Variants in STX16 observed in about 807,000 individuals in gnomAD.
STX16 encodes syntaxin-16.
In STX16, 28 loss-of-function variants were observed where a neutral mutation model predicts 42.7. The ratio of observed to expected loss-of-function variants is 0.66; its 90% CI spans 0.49 to 0.90. The LOEUF is 0.90. Ranked by LOEUF, STX16 falls within the 40% of genes least tolerant of loss-of-function variation. The pLI is 0.00. For missense variants in STX16, 361 were observed against 420.9 expected (o/e 0.86, Z 1.24); for synonymous variants, 156 against 155.2 (o/e 1.00, Z -0.04).
intron 7 of STX16, 34 bp from the exon 8 acceptor site, chr20:58,673,597 T>A: frequency 6.9e-7 from 1 of 1,444,986 alleles, no homozygotes; most frequent in South Asian, 1.2e-5. Flanking sequence ...CAGTTGCTAT[T>A]GTTGATTGTC....
At chr20:58,652,479 T>C (rs1427053166) in intron 1 of STX16, among the ~76,000 whole-genome samples, 1 of 150,608 alleles carries the variant, frequency 6.6e-6, no homozygotes, top group Non-Finnish European at 1.5e-5. Flanking sequence ...TCTGAAGCCT[T>C]TTTGTTTCGT....
At position 58,668,255 on chromosome 20, in the gene STX16, A is replaced by G. The variant is rs539529169; in HGVS notation, c.393+128A>G. On this transcript the variant is annotated intron_variant, in intron 4 of 8. Coordinates refer to ENST00000371141, the MANE Select transcript of STX16 (RefSeq NM_001001433.3). The stretch of plus-strand genomic sequence containing the variant: ...ACCTGAAGTTCTCAGAGGGACCTCA[A>G]GAGGCCCTGAAGTCCTCCAGCTGTC... 1.7e-5 allele frequency: 21 copies of G among 1,247,776 alleles called. No individual in the cohort carries two copies. The East Asian group carries it at 4.6e-4, about 27-fold the overall frequency. The allele number at this position is 1,247,776 out of a possible 1,614,324, so 77.3% of individuals were successfully genotyped here. A position where few individuals can be genotyped will look rare whatever the true frequency, so the allele number is the denominator to read the frequency against.
rs11481928 is a variant in STX16, at chr20:58,652,371, A to ACC, written c.132+243_132+244dup. On this transcript the variant is annotated intron_variant, in intron 1 of 8. Transcript: ENST00000371141. The stretch of plus-strand genomic sequence containing the variant: ...CCGGTCTTCTCCTCACTTCCGCAGC[A>ACC]CCCCCCCCCCCGCACCCCCCGCCTT... 9.3e-3 allele frequency: 4,302 copies of ACC among 461,402 alleles called. 60 individuals carry two copies. Among genetic ancestry groups the ACC allele is most frequent in the African/African-American group, 0.027 (1,047 of 38,104 alleles). 28.6% of individuals were successfully genotyped at this position (461,402 alleles called of 1,614,324 possible).
At chr20:58,663,750 T>C (rs936589384) in intron 2 of STX16, among the ~76,000 whole-genome samples, 1 of 152,204 alleles carries the variant, frequency 6.6e-6, no homozygotes, top group Non-Finnish European at 1.5e-5. Flanking sequence ...CGATCTTGGC[T>C]CACTGCAACT....
At chr20:58,652,507 T>TC (rs2083491949) in intron 1 of STX16, among the ~76,000 whole-genome samples, 1 of 148,094 alleles carries the variant, frequency 6.8e-6, no homozygotes, top group Non-Finnish European at 1.5e-5. Flanking sequence ...GAAGCTCCCC[T>TC]CCCCCCAGTA....
rs1225857806 is a variant in STX16, at chr20:58,677,577, G to A, written c.*1286G>A. 6.6e-6 allele frequency: 1 copy of A among 152,164 alleles called. No homozygotes were observed. Among genetic ancestry groups the A allele is most frequent in the Non-Finnish European group, 1.5e-5 (1 of 68,036 alleles). 9.4% of individuals were successfully genotyped at this position (152,164 alleles called of 1,614,324 possible). A position where few individuals can be genotyped will look rare whatever the true frequency, so the allele number is the denominator to read the frequency against. On this transcript the variant is annotated 3_prime_UTR_variant, in exon 9 of 9. Transcript: ENST00000371141. ...ACTTTGAAGTTGTTCATGTTTTATT[G>A]GCTTTGTTTTAATTGACACTAGTAG... is the stretch of plus-strand genomic sequence containing the variant.
chr20:58,671,648 G>A (rs1236330282), intron 7 of STX16, among the ~76,000 whole-genome samples: 1 of 152,108 alleles, frequency 6.6e-6, no homozygotes, highest in African/African-American at 2.4e-5. Flanking sequence ...GCTCTTAGCA[G>A]TTTAACAGTT....
At position 58,676,507 on chromosome 20, in the gene STX16, G is replaced by C. The variant is rs2084130897; in HGVS notation, c.*216G>C. On this transcript the variant is annotated 3_prime_UTR_variant, in exon 9 of 9. Transcript: ENST00000371141. ...TTTTCCTTCATTGTTGAGAATTTAA[G>C]GACCTTTGATACTGCTGCACAATAG... 1 of 545,964 alleles carries C rather than the reference G, an allele frequency of 1.8e-6. No individual in the cohort carries two copies. Among genetic ancestry groups the C allele is most frequent in the Non-Finnish European group, 3.3e-6 (1 of 307,162 alleles). 33.8% of individuals were successfully genotyped at this position (545,964 alleles called of 1,614,324 possible). A position where few individuals can be genotyped will look rare whatever the true frequency, so the allele number is the denominator to read the frequency against.
rs1345055760 is a variant in STX16, at chr20:58,678,464, G to A, written c.*2173G>A. On this transcript the variant is annotated 3_prime_UTR_variant, in exon 9 of 9. Coordinates refer to ENST00000371141, the MANE Select transcript of STX16 (RefSeq NM_001001433.3). ...GTTCGAGACCAGCCTAGCCAACATG[G>A]TGAAACCCCGTCTCTACAAAAAATA... The A allele has an allele frequency of 6.6e-6, 1 of 152,050 alleles. No individual in the cohort carries two copies. The highest frequency in any genetic ancestry group is 1.9e-4 in the East Asian group (1 of 5,178). The allele number at this position is 152,050 out of a possible 1,614,324, so 9.4% of individuals were successfully genotyped here. A position where few individuals can be genotyped will look rare whatever the true frequency, so the allele number is the denominator to read the frequency against.
At chr20:58,665,865 T>G (rs1204216364) in intron 2 of STX16, among the ~76,000 whole-genome samples, 2 of 152,120 alleles carry the variant, frequency 1.3e-5, no homozygotes, top group Non-Finnish European at 2.9e-5. Flanking sequence ...GTTCCCTGAG[T>G]GGACACGTGC....
rs147707535 is a variant in STX16, at chr20:58,652,057, C to T, written c.51C>T (p.Ser17=). 2.5e-6 allele frequency: 4 copies of T among 1,614,160 alleles called. No individual in the cohort carries two copies. In the African/African-American group the frequency reaches 4.0e-5, roughly 16 times the overall value. Residue 17 remains serine (S), a synonymous_variant, in exon 1 of 9, where the codon TCC becomes TCT. Transcript: ENST00000371141. ...TDAFLLLRNN[S]IQNRQLLAEQ... is the part of the protein sequence containing the mutation. ...CTTTCTTGTTGTTGCGGAATAATTC[C>T]ATCCAAAACCGGCAGCTGTTAGCCG...
intron 8 of STX16, among the ~76,000 whole-genome samples, chr20:58,675,165 C>T (rs1568831362): frequency 6.6e-6 from 1 of 152,104 alleles, no homozygotes. Flanking sequence ...ACCGGACTCT[C>T]GGTGCTGTCC....
intron 5 of STX16, among the ~76,000 whole-genome samples, 169 bp downstream of exon 5, chr20:58,669,622 C>T (rs967711620): frequency 6.6e-6 from 1 of 152,174 alleles, no homozygotes; most frequent in African/African-American, 2.4e-5. Flanking sequence ...GAAACCCTGG[C>T]TTGGAATGAA....
chr20:58,676,250 A>G lies in STX16; in HGVS notation c.937A>G (p.Ile313Val), dbSNP rs771035757. Residue 313 changes from isoleucine to valine, a missense_variant, in exon 9 of 9, where the codon ATT (isoleucine) becomes GTT (valine). Transcript: ENST00000371141. Reference sequence around the variant, plus strand: ...GATTTTAATATTATTTGTCATCATCATTGTGCTCATTGTTGTCCTCGTTGG... The same window carrying G: ...GATTTTAATATTATTTGTCATCATCGTTGTGCTCATTGTTGTCCTCGTTGG... The part of the protein sequence containing the change: ...LVILILFVII[I>V]VLIVVLVGVK... 4 of 1,614,074 alleles carry G rather than the reference A, an allele frequency of 2.5e-6. No homozygotes were observed. The African/African-American group carries it at 4.0e-5, about 16-fold the overall frequency.
At position 58,670,500 on chromosome 20, in the gene STX16, T is replaced by A; in HGVS notation, c.557-12T>A. 3 of 1,608,924 alleles carry A rather than the reference T, an allele frequency of 1.9e-6. No individual in the cohort carries two copies. Among genetic ancestry groups the A allele is most frequent in the Middle Eastern group, 1.7e-4 (1 of 6,048 alleles). On this transcript the variant is annotated splice_polypyrimidine_tract_variant and intron_variant, in intron 5 of 8. Transcript: ENST00000371141. ...TACATATTCAAGTAAAATGAATTCC[T>A]ATCTGTGATAGGCATGAAGAATCGA...
chr20:58,673,629 A>C lies in STX16; in HGVS notation c.793-2A>C. 6.2e-7 allele frequency: 1 copy of C among 1,606,398 alleles called. No individual in the cohort carries two copies. The highest frequency in any genetic ancestry group is 8.5e-7 in the Non-Finnish European group (1 of 1,173,630). ...TGTCTGTAACTGTCATTTATTACCT[A>C]GGGTACAGTCCTTGACAGAATTGAC... is the stretch of plus-strand genomic sequence containing the variant. On this transcript the variant is annotated splice_acceptor_variant, in intron 7 of 8. Coordinates refer to ENST00000371141, the MANE Select transcript of STX16 (RefSeq NM_001001433.3). LOFTEE classifies it high-confidence loss of function.
At chr20:58,663,313 G>A (rs2083743835) in intron 2 of STX16, among the ~76,000 whole-genome samples, 1 of 152,208 alleles carries the variant, frequency 6.6e-6, no homozygotes, top group Non-Finnish European at 1.5e-5. Context: ...GAGGGCCATA[G>A]ATTTGGAACA....
Position 58,657,374 on chromosome 20 carries a change from A to G in STX16, c.133-2249A>G, listed in dbSNP as rs1182542375. On this transcript the variant is annotated intron_variant, in intron 1 of 8. Coordinates refer to ENST00000371141, the MANE Select transcript of STX16 (RefSeq NM_001001433.3). This position sits in a 1 kb window ranked among gnomAD's most constrained non-coding sequence, Gnocchi z 4.2. ...TTTGAGAATAAGGGTACTTTGTTGG[A>G]TAAAAGTGAAGCAAACTTTTATTTT... Among the ~76,000 whole-genome samples the G allele has an allele frequency of 6.6e-6, 1 of 152,240 alleles. No individual in the cohort carries two copies. Among genetic ancestry groups the G allele is most frequent in the African/African-American group, 2.4e-5 (1 of 41,462 alleles).
intron 8 of STX16, among the ~76,000 whole-genome samples, chr20:58,674,679 C>T (rs535364639): frequency 5.9e-5 from 9 of 152,158 alleles, no homozygotes; most frequent in Admixed American, 5.9e-4. Context: ...ATATGAGACT[C>T]CAGCCTGTGG....
Sources: allele counts gnomAD v4.1 joint callset (sites outside exome capture counted in the v4.1 genomes callset), GRCh38; gene constraint gnomAD v4.1.1; non-coding constraint Gnocchi (gnomAD v3.1); transcripts MANE v1.5; gene names NCBI Gene and HGNC (gene_info 2026-07-23, HGNC 2026-07-21).